The following DLGAP1 variants were observed in gnomAD, a reference collection of about 807,000 sequenced individuals.
DLGAP1 encodes disks large-associated protein 1.
DLGAP1 carries 11 observed loss-of-function variants against 90.8 expected under a neutral mutation model. The ratio of observed to expected loss-of-function variants is 0.12; its 90% CI spans 0.08 to 0.20. DLGAP1 has a LOEUF of 0.20. DLGAP1 is among the 10% of genes least tolerant of loss of function. DLGAP1 has a pLI of 1.00. For missense variants in DLGAP1, 1,050 were observed against 1,333.8 expected (o/e 0.79, Z 3.31); for synonymous variants, 558 against 540.7 (o/e 1.03, Z -0.44).
chr18:3,897,961 A>G lies in DLGAP1; in HGVS notation c.-72-17821T>C, dbSNP rs183855704. On this transcript the variant is annotated intron_variant, in intron 3 of 12. Transcript: ENST00000315677. ...AGGCGCCCGCCACCGCGCCCGGCTA[A>G]TTTTTTGTATTTTTAGTAGAGACGG... 5.5e-3 allele frequency among the ~76,000 whole-genome samples: 836 copies of G among 150,944 alleles called. 7 individuals carry two copies. Among genetic ancestry groups the G allele is most frequent in the African/African-American group, 0.017 (682 of 41,102 alleles).
At chr18:3,619,352 C>G (rs145376992) in intron 7 of DLGAP1, among the ~76,000 whole-genome samples, 122 of 152,284 alleles carry the variant, frequency 8.0e-4, no homozygotes, top group African/African-American at 2.7e-3. Flanking sequence ...GCATCTTTCC[C>G]AGGTGGCCTG....
intron 2 of DLGAP1, among the ~76,000 whole-genome samples, chr18:4,104,018 G>A (rs1164712404): frequency 6.6e-6 from 1 of 152,030 alleles, no homozygotes; most frequent in African/African-American, 2.4e-5. Flanking sequence ...TTGTCTGTGT[G>A]TATTCTTTAA....
intron 3 of DLGAP1, among the ~76,000 whole-genome samples, chr18:3,922,943 G>A (rs990693447): frequency 3.6e-4 from 54 of 151,978 alleles, no homozygotes; most frequent in African/African-American, 1.2e-3. Flanking sequence ...GACCAGCCCA[G>A]CCAACATGGT....
At chr18:3,796,223 T>A (rs1370299495) in intron 5 of DLGAP1, among the ~76,000 whole-genome samples, 6 of 152,198 alleles carry the variant, frequency 3.9e-5, no homozygotes, top group Non-Finnish European at 8.8e-5. Context: ...GACTCAAGAT[T>A]GTCCTGGGAA....
At chr18:4,404,873 T>C (rs2144558603) in intron 1 of DLGAP1, among the ~76,000 whole-genome samples, 1 of 152,136 alleles carries the variant, frequency 6.6e-6, no homozygotes, top group Middle Eastern at 3.4e-3. Context: ...AAAACAAAAA[T>C]AATAACAACA....
At chr18:4,248,321 T>C (rs914820948) in intron 1 of DLGAP1, among the ~76,000 whole-genome samples, 2 of 152,196 alleles carry the variant, frequency 1.3e-5, no homozygotes, top group Admixed American at 6.5e-5. Flanking sequence ...ATACTTTCAG[T>C]TCCTTCAGGA....
chr18:4,447,305 A>G (rs1598436454), intron 1 of DLGAP1, among the ~76,000 whole-genome samples: 2 of 152,158 alleles, frequency 1.3e-5, no homozygotes, highest in African/African-American at 4.8e-5. Flanking sequence ...GGAATACCAT[A>G]TATCAGTAAA....
At chr18:3,978,694 T>G (rs2073655143) in intron 3 of DLGAP1, 1 of 154,152 alleles carries the variant, frequency 6.5e-6, no homozygotes, top group African/African-American at 2.4e-5. Context: ...AGCCTGATTC[T>G]TACTTTTATG....
chr18:4,122,479 T>G (rs945994039), intron 2 of DLGAP1, among the ~76,000 whole-genome samples: 2 of 152,208 alleles, frequency 1.3e-5, no homozygotes, highest in Admixed American at 1.3e-4. Flanking sequence ...GAAGCTATTG[T>G]TCCAGAACAG....
At chr18:3,840,413 T>A (rs1382131993) in intron 4 of DLGAP1, among the ~76,000 whole-genome samples, 5 of 152,120 alleles carry the variant, frequency 3.3e-5, no homozygotes, top group Admixed American at 1.3e-4. Flanking sequence ...ATGGTCCCTT[T>A]CTCCATCTTC....
At chr18:3,540,469 C>CAAAAAAAAAAAAAAAA (rs60740209) in intron 9 of DLGAP1, among the ~76,000 whole-genome samples, 1 of 58,018 alleles carries the variant, frequency 1.7e-5, no homozygotes, top group African/African-American at 6.8e-5. Flanking sequence ...GGCCCTGTGT[C>CAAAAAAAAAAAAAAAA]AAAAAAAAAA....
intron 1 of DLGAP1, among the ~76,000 whole-genome samples, chr18:4,312,274 T>C (rs1353664773): frequency 6.6e-6 from 1 of 152,188 alleles, no homozygotes; most frequent in Non-Finnish European, 1.5e-5. Flanking sequence ...TTATTCAGTG[T>C]CTCACAACCA....
At chr18:3,537,711 C>T (rs2052457496) in intron 9 of DLGAP1, among the ~76,000 whole-genome samples, 1 of 152,142 alleles carries the variant, frequency 6.6e-6, no homozygotes, top group Admixed American at 6.6e-5. Context: ...GTGGCTACAC[C>T]ATTTTGCATT....
At chr18:4,228,149 A>G (rs1450399873) in intron 1 of DLGAP1, among the ~76,000 whole-genome samples, 1 of 151,826 alleles carries the variant, frequency 6.6e-6, no homozygotes, top group Non-Finnish European at 1.5e-5. Context: ...ACCAAGATTG[A>G]GCCACGAAAA....
At chr18:3,718,687 G>A (rs1295897993) in intron 7 of DLGAP1, among the ~76,000 whole-genome samples, 8 of 151,440 alleles carry the variant, frequency 5.3e-5, no homozygotes, top group Non-Finnish European at 2.9e-5. Context: ...GCACTTTGGG[G>A]GGTCGAGGCG....
At chr18:3,853,276 T>C (rs1293025928) in intron 4 of DLGAP1, among the ~76,000 whole-genome samples, 2 of 152,178 alleles carry the variant, frequency 1.3e-5, no homozygotes, top group Non-Finnish European at 2.9e-5. Flanking sequence ...GAGTATTCCT[T>C]ATCTGAAATG....
chr18:4,077,836 C>A (rs1323585386), intron 2 of DLGAP1, among the ~76,000 whole-genome samples: 5 of 152,162 alleles, frequency 3.3e-5, no homozygotes, highest in Non-Finnish European at 7.4e-5. Flanking sequence ...TAAATTTAAA[C>A]AAACTATTAG....
chr18:3,934,747 G>A (rs1210591552), intron 3 of DLGAP1, among the ~76,000 whole-genome samples: 1 of 152,238 alleles, frequency 6.6e-6, no homozygotes, highest in Non-Finnish European at 1.5e-5. Context: ...ACGAGGCATA[G>A]CCAGGGCTGG....
chr18:4,161,695 C>G (rs1371083209), intron 1 of DLGAP1, among the ~76,000 whole-genome samples: 1 of 152,156 alleles, frequency 6.6e-6, no homozygotes, highest in Middle Eastern at 3.2e-3. Flanking sequence ...TACTTCCGAG[C>G]CTGTGTATGC....
Sources: gnomAD v4.1 joint callset for allele counts (sites outside exome capture counted in the v4.1 genomes callset) on GRCh38, gnomAD v4.1.1 for gene constraint, MANE v1.5 for transcripts, NCBI Gene and HGNC (gene_info 2026-07-23, HGNC 2026-07-21) for gene names.